Variants in SLC35A5 observed in about 807,000 individuals in gnomAD.
SLC35A5 encodes UDP-sugar transporter protein SLC35A5.
A neutral mutation model predicts 36.3 loss-of-function variants in SLC35A5; 28 were observed. That is an observed-to-expected ratio of 0.77 (90% confidence interval 0.57 to 1.06). The LOEUF is 1.06. Among genes scored for constraint, SLC35A5 ranks in the 50% least tolerant of loss-of-function variants. The pLI, the probability that SLC35A5 is intolerant of heterozygous loss-of-function variation, is 0.00. For synonymous variants in SLC35A5, 180 were observed against 173.7 expected, an observed-to-expected ratio of 1.04 and a Z score of -0.29; for missense variants, 521 against 499.3, an observed-to-expected ratio of 1.04 and a Z score of -0.41.
At chr3:112,562,424 C>T (rs1933960120) in intron 1 of SLC35A5, among the ~76,000 whole-genome samples, 151 bp downstream of exon 1, 1 of 152,194 alleles carries the variant, frequency 6.6e-6, no homozygotes, top group Non-Finnish European at 1.5e-5. Context: ...GTCCTGTAGG[C>T]GTGCGCCCAA....
At chr3:112,579,824 G>A (rs536246637) in intron 5 of SLC35A5, among the ~76,000 whole-genome samples, 16 of 152,240 alleles carry the variant, frequency 1.1e-4, no homozygotes, top group Admixed American at 3.3e-4. Context: ...TGCCTGGCAC[G>A]TAGTAGCTGC....
intron 3 of SLC35A5, 84 bp from the exon 4 acceptor site, chr3:112,570,456 T>C: frequency 7.1e-7 from 1 of 1,413,504 alleles, no homozygotes; most frequent in South Asian, 1.4e-5. Flanking sequence ...TTTAAAGAAT[T>C]GTATCAGTAA....
At chr3:112,571,692 G>A (rs1934444540) in intron 4 of SLC35A5, among the ~76,000 whole-genome samples, 1 of 152,180 alleles carries the variant, frequency 6.6e-6, no homozygotes, top group African/African-American at 2.4e-5. Context: ...TTACATGGCA[G>A]CAGGCAGGAG....
intron 3 of SLC35A5, among the ~76,000 whole-genome samples, chr3:112,570,157 A>G (rs1362933231): frequency 1.3e-5 from 2 of 152,034 alleles, no homozygotes; most frequent in South Asian, 2.1e-4. Context: ...TCGATTTAGT[A>G]TCCCCCTTTC....
intron 6 of SLC35A5, 90 bp downstream of exon 6, chr3:112,581,416 T>G (rs1387314684): frequency 7.8e-7 from 1 of 1,284,174 alleles, no homozygotes; most frequent in Non-Finnish European, 1.1e-6. Flanking sequence ...AGTACTGATT[T>G]GTCAAAGAAT....
intron 1 of SLC35A5, among the ~76,000 whole-genome samples, 154 bp downstream of exon 1, chr3:112,562,427 G>T (rs1484471517): frequency 6.6e-6 from 1 of 152,198 alleles, no homozygotes; most frequent in Non-Finnish European, 1.5e-5. Flanking sequence ...CTGTAGGCGT[G>T]CGCCCAATGG....
chr3:112,572,607 CTTA>C (rs1934495911), intron 4 of SLC35A5, among the ~76,000 whole-genome samples: 3 of 152,276 alleles, frequency 2.0e-5, no homozygotes, highest in East Asian at 3.9e-4. Flanking sequence ...TTTCTTCCAG[CTTA>C]TTGTTTTGCT....
intron 4 of SLC35A5, among the ~76,000 whole-genome samples, chr3:112,572,743 A>G (rs1277888047): frequency 6.6e-6 from 1 of 152,226 alleles, no homozygotes; most frequent in Non-Finnish European, 1.5e-5. Flanking sequence ...TTTGGGCCAA[A>G]GAGCTCTGAT....
chr3:112,575,264 T>C (rs1172136419), intron 5 of SLC35A5, among the ~76,000 whole-genome samples: 1 of 152,174 alleles, frequency 6.6e-6, no homozygotes, highest in African/African-American at 2.4e-5. Flanking sequence ...TGTCATTTAC[T>C]TTAAATGAGT....
intron 4 of SLC35A5, among the ~76,000 whole-genome samples, chr3:112,573,538 C>T (rs769864207): frequency 2.6e-5 from 4 of 152,086 alleles, no homozygotes; most frequent in African/African-American, 7.2e-5. Flanking sequence ...TCTATGTGAC[C>T]GTAGAAACAG....
rs1438569228 is a variant in SLC35A5, at chr3:112,584,965, C to T, written c.*2229C>T. ...GAAAATCAAATACCACATGTTCTCACTTATAAGTGGGAGCTAAACAGTGGG... is the reference window on the plus strand; with the variant it reads ...GAAAATCAAATACCACATGTTCTCATTTATAAGTGGGAGCTAAACAGTGGG... On this transcript the variant is annotated 3_prime_UTR_variant, in exon 7 of 7. Transcript: ENST00000492406. The T allele has an allele frequency of 6.6e-6, 1 of 152,140 alleles. No homozygotes were observed. The highest frequency in any genetic ancestry group is 1.5e-5 in the Non-Finnish European group (1 of 68,030). 9.4% of individuals were successfully genotyped at this position (152,140 alleles called of 1,614,324 possible).
chr3:112,577,752 A>G (rs570777852), intron 5 of SLC35A5, among the ~76,000 whole-genome samples: 1 of 152,362 alleles, frequency 6.6e-6, no homozygotes, highest in African/African-American at 2.4e-5. Context: ...TGTCTGAAAC[A>G]GCAGAAGAAC....
At chr3:112,564,388 T>C (rs1934093136) in intron 2 of SLC35A5, 1 of 152,232 alleles carries the variant, frequency 6.6e-6, no homozygotes, top group South Asian at 2.1e-4. Flanking sequence ...AGTGCTTTGC[T>C]TTAGATATGT....
upstream of SLC35A5, chr3:112,561,611 C>A: frequency 2.2e-6 from 3 of 1,384,892 alleles, no homozygotes; most frequent in Non-Finnish European, 3.0e-6. Context: ...AAAATGTCCT[C>A]GCTGCCACCG....
intron 2 of SLC35A5, among the ~76,000 whole-genome samples, chr3:112,566,675 G>A (rs745979811): frequency 1.1e-4 from 17 of 152,164 alleles, no homozygotes; most frequent in Admixed American, 2.0e-4. Flanking sequence ...AAGATTAAAG[G>A]ATACCCTTTA....
At chr3:112,576,380 C>T (rs992084801) in intron 5 of SLC35A5, among the ~76,000 whole-genome samples, 2 of 132,690 alleles carry the variant, frequency 1.5e-5, no homozygotes, top group African/African-American at 5.9e-5. Flanking sequence ...CTGCCTTGGC[C>T]TCTCAAAGTG....
chr3:112,562,431 C>T (rs934113077), intron 1 of SLC35A5, among the ~76,000 whole-genome samples, 158 bp downstream of exon 1: 1 of 152,168 alleles, frequency 6.6e-6, no homozygotes, highest in Non-Finnish European at 1.5e-5. Context: ...AGGCGTGCGC[C>T]CAATGGGGCT....
In SLC35A5 at chr3:112,584,184, G is replaced by C. The variant is rs1425024077; in HGVS notation, c.*1448G>C. ...TCTTGTGTTGCCACTCTGTCATTTA[G>C]GGTGGGATGTAGAGTACTTTTAATC... On this transcript the variant is annotated 3_prime_UTR_variant, in exon 7 of 7. Transcript: ENST00000492406. 1 of 152,104 alleles carries C rather than the reference G, an allele frequency of 6.6e-6. No individual in the cohort carries two copies. Among genetic ancestry groups the C allele is most frequent in the Non-Finnish European group, 1.5e-5 (1 of 68,010 alleles). 9.4% of individuals were successfully genotyped at this position (152,104 alleles called of 1,614,324 possible). A position where few individuals can be genotyped will look rare whatever the true frequency, so the allele number is the denominator to read the frequency against.
At chr3:112,568,391 A>T (rs141223642) in intron 2 of SLC35A5, among the ~76,000 whole-genome samples, 17 of 152,346 alleles carry the variant, frequency 1.1e-4, no homozygotes, top group Middle Eastern at 3.4e-3. Flanking sequence ...AATAAAGTTT[A>T]TGTTTATCCT....
Sources: allele counts gnomAD v4.1 joint callset (sites outside exome capture counted in the v4.1 genomes callset), GRCh38; gene constraint gnomAD v4.1.1; transcripts MANE v1.5; gene names NCBI Gene and HGNC (gene_info 2026-07-23, HGNC 2026-07-21).